FBH1: variants seen among roughly 807,000 people sequenced by gnomAD.
The protein encoded by FBH1 is F-box DNA helicase 1, also known as DNA 3'-5' helicase 1.
FBH1 carries 43 observed loss-of-function variants against 115.5 expected under a neutral mutation model. The ratio of observed to expected loss-of-function variants is 0.37; its 90% CI spans 0.29 to 0.48. The LOEUF (loss-of-function observed/expected upper bound fraction) is 0.48. Among genes scored for constraint, FBH1 ranks in the 20% least tolerant of loss-of-function variants. FBH1 has a pLI of 0.99. For missense variants in FBH1, 1,001 were observed against 1,337.3 expected (o/e 0.75, Z 3.92); for synonymous variants, 524 against 507.8 (o/e 1.03, Z -0.43).
Position 5,933,759 on chromosome 10 carries a change from C to T in FBH1, c.2830-2697C>T, listed in dbSNP as rs1307216286. 2.0e-5 allele frequency among the ~76,000 whole-genome samples: 3 copies of T among 152,064 alleles called. No individual in the cohort carries two copies. Among genetic ancestry groups the T allele is most frequent in the African/African-American group, 7.2e-5 (3 of 41,492 alleles). On this transcript the variant is annotated intron_variant, in intron 19 of 20. Coordinates refer to ENST00000362091, the MANE Select transcript of FBH1 (RefSeq NM_178150.3). This position sits in a 1 kb window ranked among gnomAD's most constrained non-coding sequence, Gnocchi z 4.9. ...CTGGGTTCAAGCTGTTCTCCTGTGT[C>T]AGCCTCTCAAGTAGCTGGTAGTACA...
intron 13 of FBH1, among the ~76,000 whole-genome samples, chr10:5,919,994 C>T (rs1284426364): frequency 1.3e-5 from 2 of 152,166 alleles, no homozygotes; most frequent in African/African-American, 4.8e-5. Flanking sequence ...GACTGAAGTC[C>T]ATGGTTCATT....
Position 5,917,029 on chromosome 10 carries a change from G to T in FBH1, c.1789-391G>T. 1 of 213,706 alleles carries T rather than the reference G, an allele frequency of 4.7e-6. No individual in the cohort carries two copies. Among genetic ancestry groups the T allele is most frequent in the East Asian group, 1.2e-4 (1 of 8,582 alleles). The allele number at this position is 213,706 out of a possible 1,614,324, so 13.2% of individuals were successfully genotyped here. A position where few individuals can be genotyped will look rare whatever the true frequency, so the allele number is the denominator to read the frequency against. On this transcript the variant is annotated intron_variant, in intron 10 of 20. Coordinates refer to ENST00000362091, the MANE Select transcript of FBH1 (RefSeq NM_178150.3). This position sits in a 1 kb window ranked among gnomAD's most constrained non-coding sequence, Gnocchi z 5.6. ...GCTGGAATCTCTCCTGATTTTCTTG[G>T]GTTATTGGTTCTATGGAATAGATTT... is the stretch of plus-strand genomic sequence containing the variant.
chr10:5,902,950 G>C (rs987109691), intron 1 of FBH1, 70 bp from the exon 2 acceptor site: 2 of 1,466,916 alleles, frequency 1.4e-6, no homozygotes, highest in Admixed American at 4.2e-5. Flanking sequence ...AGTATAATGT[G>C]CTGGCTAGCT....
Position 5,924,250 on chromosome 10 carries a change from A to G in FBH1, c.2399-61A>G. ...GCGCAGCTGCTTAGGAACGTGCAGCACCTGCCACCATCTGTTAGTGGAGCT... is the reference window on the plus strand; with the variant it reads ...GCGCAGCTGCTTAGGAACGTGCAGCGCCTGCCACCATCTGTTAGTGGAGCT... On this transcript the variant is annotated intron_variant, in intron 16 of 20. Transcript: ENST00000362091. The surrounding 1 kb of genome is among the most constrained non-coding windows in gnomAD (Gnocchi z 6.2). The G allele has an allele frequency of 6.4e-7, 1 of 1,558,892 alleles. No individual in the cohort carries two copies. The highest frequency in any genetic ancestry group is 1.1e-5 in the South Asian group (1 of 89,278).
intron 13 of FBH1, among the ~76,000 whole-genome samples, chr10:5,919,580 T>G (rs1383598710): frequency 6.6e-6 from 1 of 152,188 alleles, no homozygotes; most frequent in Non-Finnish European, 1.5e-5. Context: ...TAAAAGCTCT[T>G]TGGAGGCTTT....
In FBH1 at chr10:5,911,169, G is replaced by C; in HGVS notation, c.1211+41G>C. 6.4e-7 allele frequency: 1 copy of C among 1,572,882 alleles called. No homozygotes were observed. Among genetic ancestry groups the C allele is most frequent in the South Asian group, 1.2e-5 (1 of 86,472 alleles). On this transcript the variant is annotated intron_variant, in intron 6 of 20. Transcript: ENST00000362091. This position sits in a 1 kb window ranked among gnomAD's most constrained non-coding sequence, Gnocchi z 5.4. ...GAGGGGAGGGGATGCTGTGATAATGGGAGAGTCCCAGACACAGCAGCAGGT... is the reference window on the plus strand; with the variant it reads ...GAGGGGAGGGGATGCTGTGATAATGCGAGAGTCCCAGACACAGCAGCAGGT...
rs1160816136 is a variant in FBH1 at position 5,900,599 on chromosome 10, GC to G, written c.2-2420del. 6.6e-6 allele frequency among the ~76,000 whole-genome samples: 1 copy of G among 152,196 alleles called. No individual in the cohort carries two copies. The highest frequency in any genetic ancestry group is 2.4e-5 in the African/African-American group (1 of 41,454). On this transcript the variant is annotated intron_variant, in intron 1 of 20. Transcript: ENST00000362091. This position sits in a 1 kb window ranked among gnomAD's most constrained non-coding sequence, Gnocchi z 4.2. Reference sequence around the variant, plus strand: ...TCCTTTCAGAGGGGCTCTCAGAACTGCTTTTGTTTGTAGAATTGATTTTGGA... The same window carrying G: ...TCCTTTCAGAGGGGCTCTCAGAACTGTTTTGTTTGTAGAATTGATTTTGGA...
chr10:5,922,059 T>C (rs1832345883), intron 15 of FBH1, among the ~76,000 whole-genome samples: 1 of 152,212 alleles, frequency 6.6e-6, no homozygotes, highest in Non-Finnish European at 1.5e-5. Flanking sequence ...GTTAGAAGGA[T>C]TCAGTGGCAT....
rs1832430585 is a variant in FBH1 at position 5,923,478 on chromosome 10, A to G, written c.2323-143A>G. 1 of 644,404 alleles carries G rather than the reference A, an allele frequency of 1.6e-6. No homozygotes were observed. 39.9% of individuals were successfully genotyped at this position (644,404 alleles called of 1,614,324 possible). A position where few individuals can be genotyped will look rare whatever the true frequency, so the allele number is the denominator to read the frequency against. ...GCTTGCCGCCTGTGCTTTGGGTGTCACTCAAGATCCATTTCCAAGAAACCA... is the reference window on the plus strand; with the variant it reads ...GCTTGCCGCCTGTGCTTTGGGTGTCGCTCAAGATCCATTTCCAAGAAACCA... On this transcript the variant is annotated intron_variant, in intron 15 of 20. Transcript: ENST00000362091. The surrounding 1 kb of genome is among the most constrained non-coding windows in gnomAD (Gnocchi z 5.7).
Position 5,909,344 on chromosome 10 carries a change from A to G in FBH1, c.1020+50A>G. 3 of 1,580,876 alleles carry G rather than the reference A, an allele frequency of 1.9e-6. No homozygotes were observed. The highest frequency in any genetic ancestry group is 2.6e-6 in the Non-Finnish European group (3 of 1,168,268). ...GGCGGCATGTTATTTCACTGGAGGA[A>G]AGTGTACTGGTGATTCAGTTCAATT... is the stretch of plus-strand genomic sequence containing the variant. On this transcript the variant is annotated intron_variant, in intron 5 of 20. Transcript: ENST00000362091. This position sits in a 1 kb window ranked among gnomAD's most constrained non-coding sequence, Gnocchi z 4.4.
intron 3 of FBH1, among the ~76,000 whole-genome samples, chr10:5,907,472 G>GTTT (rs34817242): frequency 8.1e-5 from 9 of 111,198 alleles, no homozygotes; most frequent in Non-Finnish European, 1.2e-4. Flanking sequence ...GTTGTTGTTG[G>GTTT]TTTTTTTTTT....
At position 5,911,061 on chromosome 10, in the gene FBH1, G is replaced by A. The variant is rs376789491; in HGVS notation, c.1144G>A (p.Glu382Lys). Reference protein sequence around the residue: ...SSTVTMPDVTETLYCIAVLLY... With the variant: ...SSTVTMPDVTKTLYCIAVLLY... ...CACGGTGACCATGCCAGATGTCACC[G>A]AGACCCTGTACTGCATAGCCGTGCT... The change falls in exon 6 of 21, where the codon GAG becomes AAG. Residue 382 changes from glutamate (E) to lysine (K), a missense_variant. Around this residue, in one of 4 missense-constraint regions of FBH1, gnomAD observed 59 missense variants for 79.7 expected, o/e 0.74. Transcript: ENST00000362091. The surrounding 1 kb of genome is among the most constrained non-coding windows in gnomAD (Gnocchi z 5.4). 4 of 1,613,242 alleles carry A rather than the reference G, an allele frequency of 2.5e-6. No individual in the cohort carries two copies. In the Admixed American group the frequency reaches 5.0e-5, roughly 20 times the overall value.
chr10:5,910,071 C>G lies in FBH1; in HGVS notation c.1020+777C>G, dbSNP rs1252010283. ...CCAAGGCGGGTGGATCACCTGAGGTCAGGAGTTCGAGACCAGCCTGGCCAA... is the reference window on the plus strand; with the variant it reads ...CCAAGGCGGGTGGATCACCTGAGGTGAGGAGTTCGAGACCAGCCTGGCCAA... On this transcript the variant is annotated intron_variant, in intron 5 of 20. Transcript: ENST00000362091. The surrounding 1 kb of genome is among the most constrained non-coding windows in gnomAD (Gnocchi z 4.8). 6.6e-6 allele frequency among the ~76,000 whole-genome samples: 1 copy of G among 152,168 alleles called. No homozygotes were observed. Among genetic ancestry groups the G allele is most frequent in the South Asian group, 2.1e-4 (1 of 4,830 alleles).
At position 5,897,537 on chromosome 10, in the gene FBH1, A is replaced by C. The variant is rs1485870607; in HGVS notation, c.2-5483A>C. Among the ~76,000 whole-genome samples the C allele has an allele frequency of 6.6e-6, 1 of 152,178 alleles. No homozygotes were observed. Among genetic ancestry groups the C allele is most frequent in the Non-Finnish European group, 1.5e-5 (1 of 68,020 alleles). Reference sequence around the variant, plus strand: ...TTTGATACATATATCCAATAAGTCCAAGGGGTGGGGAATCCAATAAAAGTG... The same window carrying C: ...TTTGATACATATATCCAATAAGTCCCAGGGGTGGGGAATCCAATAAAAGTG... On this transcript the variant is annotated intron_variant, in intron 1 of 20. Coordinates refer to ENST00000362091, the MANE Select transcript of FBH1 (RefSeq NM_178150.3). This position sits in a 1 kb window ranked among gnomAD's most constrained non-coding sequence, Gnocchi z 4.7.
chr10:5,936,764 C>A lies in FBH1; in HGVS notation c.2961+177C>A. 1 of 789,632 alleles carries A rather than the reference C, an allele frequency of 1.3e-6. No individual in the cohort carries two copies. The highest frequency in any genetic ancestry group is 2.0e-6 in the Non-Finnish European group (1 of 508,610). The allele number at this position is 789,632 out of a possible 1,614,324, so 48.9% of individuals were successfully genotyped here. A position where few individuals can be genotyped will look rare whatever the true frequency, so the allele number is the denominator to read the frequency against. The stretch of plus-strand genomic sequence containing the variant: ...TCTGTCCCAGGGTCAGAGGTCAGGG[C>A]ACGTGATGCTGCCTGGCTGTGCTGA... On this transcript the variant is annotated intron_variant, in intron 20 of 20. Coordinates refer to ENST00000362091, the MANE Select transcript of FBH1 (RefSeq NM_178150.3). This position sits in a 1 kb window ranked among gnomAD's most constrained non-coding sequence, Gnocchi z 5.6.
intron 1 of FBH1, among the ~76,000 whole-genome samples, chr10:5,893,198 C>G (rs894429260): frequency 1.3e-5 from 2 of 152,082 alleles, no homozygotes; most frequent in African/African-American, 4.8e-5. Context: ...CCCAGCTACT[C>G]GGAAGACTGA....
In FBH1 at chr10:5,909,999, A is replaced by G. The variant is rs1375229864; in HGVS notation, c.1020+705A>G. Among the ~76,000 whole-genome samples, 1 of 152,140 alleles carries G rather than the reference A, an allele frequency of 6.6e-6. No homozygotes were observed. Among genetic ancestry groups the G allele is most frequent in the Admixed American group, 6.5e-5 (1 of 15,270 alleles). Reference sequence around the variant, plus strand: ...ACGTGTAGTAACTTAAGAATGGTAAAGGCTGGGCGTGGTGGCTCACGCCTG... The same window carrying G: ...ACGTGTAGTAACTTAAGAATGGTAAGGGCTGGGCGTGGTGGCTCACGCCTG... On this transcript the variant is annotated intron_variant, in intron 5 of 20. Transcript: ENST00000362091. This position sits in a 1 kb window ranked among gnomAD's most constrained non-coding sequence, Gnocchi z 4.4.
intron 13 of FBH1, among the ~76,000 whole-genome samples, chr10:5,920,892 C>T (rs1268265508): frequency 2.0e-5 from 3 of 152,152 alleles, no homozygotes; most frequent in Non-Finnish European, 4.4e-5. Flanking sequence ...AGTGCTTCTG[C>T]CATGGCTGGT....
chr10:5,924,601 T>C lies in FBH1; in HGVS notation c.2596+93T>C. The stretch of plus-strand genomic sequence containing the variant: ...TTTTTTTTTTGAGACAGAGTATTGC[T>C]CTGTTGCCCAGGCTGGAGTGCAGTG... On this transcript the variant is annotated intron_variant, in intron 17 of 20. Coordinates refer to ENST00000362091, the MANE Select transcript of FBH1 (RefSeq NM_178150.3). The surrounding 1 kb of genome is among the most constrained non-coding windows in gnomAD (Gnocchi z 6.2). 7.6e-7 allele frequency: 1 copy of C among 1,307,610 alleles called. No homozygotes were observed. Among genetic ancestry groups the C allele is most frequent in the Non-Finnish European group, 1.1e-6 (1 of 933,604 alleles). The allele number at this position is 1,307,610 out of a possible 1,614,324, so 81.0% of individuals were successfully genotyped here. A position where few individuals can be genotyped will look rare whatever the true frequency, so the allele number is the denominator to read the frequency against.
Sources: gnomAD v4.1 joint callset for allele counts (sites outside exome capture counted in the v4.1 genomes callset) on GRCh38, gnomAD v4.1.1 for gene constraint, gnomAD v4.1.1 regional missense constraint, Gnocchi (gnomAD v3.1) non-coding constraint, MANE v1.5 for transcripts, NCBI Gene and HGNC (gene_info 2026-07-23, HGNC 2026-07-21) for gene names.